The following FNDC3B variants were observed in gnomAD, a reference collection of about 807,000 sequenced individuals.
FNDC3B encodes the protein fibronectin type III domain-containing protein 3B.
A neutral mutation model predicts 151.5 loss-of-function variants in FNDC3B; 12 were observed. The ratio of observed to expected loss-of-function variants is 0.08; its 90% CI spans 0.05 to 0.13. FNDC3B has a LOEUF of 0.13. Among genes scored for constraint, FNDC3B ranks in the 10% least tolerant of loss-of-function variants. FNDC3B has a pLI of 1.00. For missense variants in FNDC3B, 1,214 were observed against 1,505.3 expected, an observed-to-expected ratio of 0.81 and a Z score of 3.20; for synonymous variants, 528 against 549.0, an observed-to-expected ratio of 0.96 and a Z score of 0.54.
chr3:172,315,787 A>G (rs1313298628), intron 11 of FNDC3B, among the ~76,000 whole-genome samples: 1 of 152,146 alleles, frequency 6.6e-6, no homozygotes, highest in South Asian at 2.1e-4. Flanking sequence ...AGCTTGGTTA[A>G]CAGCAAAACA....
intron 1 of FNDC3B, among the ~76,000 whole-genome samples, chr3:172,061,865 A>G (rs1413891120): frequency 6.6e-6 from 1 of 152,220 alleles, no homozygotes; most frequent in Non-Finnish European, 1.5e-5. Context: ...AAGTCGGGGC[A>G]AAGAACCAAA....
chr3:172,227,917 G>A (rs1040700463), intron 4 of FNDC3B, among the ~76,000 whole-genome samples: 2 of 152,114 alleles, frequency 1.3e-5, no homozygotes, highest in Non-Finnish European at 2.9e-5. Context: ...CGAAAAATTG[G>A]CAGCTACATA....
At chr3:172,226,850 C>T in intron 3 of FNDC3B, 21 bp from the exon 4 acceptor site, 2 of 1,490,936 alleles carry the variant, frequency 1.3e-6, no homozygotes, top group Middle Eastern at 1.7e-4. Flanking sequence ...CAGCTATTAA[C>T]ATCTGACTCG....
chr3:172,363,092 A>G (rs1274477068), intron 23 of FNDC3B, among the ~76,000 whole-genome samples: 4 of 151,518 alleles, frequency 2.6e-5, no homozygotes, highest in Non-Finnish European at 5.9e-5. Context: ...TCCTTTCATC[A>G]AGCCAGATAA....
intron 2 of FNDC3B, among the ~76,000 whole-genome samples, chr3:172,121,521 GT>G (rs1720544913): frequency 6.6e-6 from 1 of 152,174 alleles, no homozygotes; most frequent in African/African-American, 2.4e-5. Context: ...CTATTCCTTA[GT>G]TTTACTGTTT....
intron 6 of FNDC3B, among the ~76,000 whole-genome samples, chr3:172,282,433 G>A (rs575716249): frequency 6.6e-6 from 1 of 152,186 alleles, no homozygotes; most frequent in East Asian, 1.9e-4. Context: ...GACACGATAG[G>A]GCAGTGATTG....
chr3:172,172,563 G>GA (rs1256321764), intron 3 of FNDC3B, among the ~76,000 whole-genome samples: 27 of 152,192 alleles, frequency 1.8e-4, no homozygotes, highest in African/African-American at 5.6e-4. Context: ...GGGAAGAAAT[G>GA]AAGTAGAACT....
At chr3:172,149,231 AG>A (rs1722086383) in intron 3 of FNDC3B, among the ~76,000 whole-genome samples, 1 of 152,120 alleles carries the variant, frequency 6.6e-6, no homozygotes, top group South Asian at 2.1e-4. Flanking sequence ...TCACTTGAAA[AG>A]TCATTGGACT....
At chr3:172,368,649 C>G (rs971721120) in intron 23 of FNDC3B, among the ~76,000 whole-genome samples, 3 of 152,150 alleles carry the variant, frequency 2.0e-5, no homozygotes, top group African/African-American at 7.2e-5. Context: ...GCCTTAATTT[C>G]CCCTACTACA....
intron 9 of FNDC3B, among the ~76,000 whole-genome samples, chr3:172,305,268 GA>G (rs1264371422): frequency 6.6e-6 from 1 of 152,198 alleles, no homozygotes; most frequent in Non-Finnish European, 1.5e-5. Flanking sequence ...TAAGAATGAA[GA>G]TTTTGTTTCT....
intron 3 of FNDC3B, among the ~76,000 whole-genome samples, chr3:172,219,396 G>A (rs1016788393): frequency 2.6e-5 from 4 of 152,140 alleles, no homozygotes; most frequent in Admixed American, 1.3e-4. Context: ...CTGTTTTGTA[G>A]CTTGTTAGTA....
intron 23 of FNDC3B, among the ~76,000 whole-genome samples, chr3:172,365,637 T>C (rs139169395): frequency 5.3e-4 from 81 of 152,348 alleles, no homozygotes; most frequent in African/African-American, 1.9e-3. Context: ...CCATCTATTC[T>C]GGCTTACAAT....
intron 6 of FNDC3B, among the ~76,000 whole-genome samples, chr3:172,258,209 T>A (rs1049245033): frequency 6.6e-6 from 1 of 152,164 alleles, no homozygotes; most frequent in African/African-American, 2.4e-5. Flanking sequence ...TTGGAATTGT[T>A]AACAATCCAA....
chr3:172,099,064 G>C (rs1330984225), intron 1 of FNDC3B, among the ~76,000 whole-genome samples: 3 of 152,184 alleles, frequency 2.0e-5, no homozygotes, highest in African/African-American at 7.2e-5. Context: ...ATATTTTGGA[G>C]TTCCATTTAT....
In FNDC3B at chr3:172,133,580, G is replaced by T. The variant is rs1360086229; in HGVS notation, c.187+34G>T. ...ATTTTTGGTAAATATTCTAATCAAA[G>T]ATTTTTTTCTTTATTTGAAGGAAGT... On this transcript the variant is annotated intron_variant, in intron 3 of 25. Coordinates refer to ENST00000415807, the MANE Select transcript of FNDC3B (RefSeq NM_022763.4). 3.4e-6 allele frequency: 5 copies of T among 1,469,900 alleles called. No homozygotes were observed. The Admixed American group carries it at 6.7e-5, about 20-fold the overall frequency. The allele number at this position is 1,469,900 out of a possible 1,614,324, so 91.1% of individuals were successfully genotyped here.
At chr3:172,065,254 C>T (rs1717435222) in intron 1 of FNDC3B, among the ~76,000 whole-genome samples, 1 of 152,180 alleles carries the variant, frequency 6.6e-6, no homozygotes, top group Non-Finnish European at 1.5e-5. Context: ...ATTGCTTGAA[C>T]CTGGGAGGCG....
chr3:172,198,380 T>C (rs1724960419), intron 3 of FNDC3B, among the ~76,000 whole-genome samples: 1 of 152,220 alleles, frequency 6.6e-6, no homozygotes, highest in African/African-American at 2.4e-5. Context: ...ACACTCACCA[T>C]AGGTAATACA....
intron 1 of FNDC3B, among the ~76,000 whole-genome samples, chr3:172,098,296 T>G (rs1559964601): frequency 6.6e-6 from 1 of 152,204 alleles, no homozygotes; most frequent in Non-Finnish European, 1.5e-5. Context: ...ATTTCATTTT[T>G]CATTCACCAG....
chr3:172,118,527 G>A (rs970263036), intron 2 of FNDC3B, among the ~76,000 whole-genome samples: 1 of 152,220 alleles, frequency 6.6e-6, no homozygotes, highest in African/African-American at 2.4e-5. Flanking sequence ...AGGATATTCA[G>A]ATGAGAATGG....
Sources: allele counts gnomAD v4.1 joint callset (sites outside exome capture counted in the v4.1 genomes callset), GRCh38; gene constraint gnomAD v4.1.1; transcripts MANE v1.5; gene names NCBI Gene and HGNC (gene_info 2026-07-23, HGNC 2026-07-21).